The following IPO13 variants were observed in gnomAD, a reference collection of about 807,000 sequenced individuals.
The protein encoded by IPO13 is importin-13.
A neutral mutation model predicts 115.5 loss-of-function variants in IPO13; 28 were observed. The observed-to-expected ratio is 0.24, with a 90% CI of 0.18 to 0.33. The LOEUF is 0.33. Among genes scored for constraint, IPO13 ranks in the 10% least tolerant of loss-of-function variants. IPO13 has a pLI of 1.00. For missense variants in IPO13, 785 were observed against 1,204.6 expected, an observed-to-expected ratio of 0.65 and a Z score of 5.16; for synonymous variants, 414 against 478.9, an observed-to-expected ratio of 0.86 and a Z score of 1.77.
At chr1:43,961,299 T>A (rs1258585362) in intron 14 of IPO13, 37 bp downstream of exon 14, 1 of 1,517,280 alleles carries the variant, frequency 6.6e-7, no homozygotes, top group Non-Finnish European at 9.2e-7. Context: ...CTGCTGCCAC[T>A]GCCACTGCCT....
rs1178136991 is a variant in IPO13, at chr1:43,947,044, C to G, written c.-557C>G. 5.0e-6 allele frequency: 2 copies of G among 398,614 alleles called. No homozygotes were observed. Among genetic ancestry groups the G allele is most frequent in the African/African-American group, 2.1e-5 (1 of 48,662 alleles). The allele number at this position is 398,614 out of a possible 1,614,324, so 24.7% of individuals were successfully genotyped here. A position where few individuals can be genotyped will look rare whatever the true frequency, so the allele number is the denominator to read the frequency against. ...CGCGGGCCAGGCCGAACGGAAGGGA[C>G]CTGCCACAGCCCCTCAACTCCACGG... On this transcript the variant is annotated 5_prime_UTR_variant, in exon 1 of 20. Coordinates refer to ENST00000372343, the MANE Select transcript of IPO13 (RefSeq NM_014652.4).
rs760667662 is a variant in IPO13, at chr1:43,966,483, G to A, written c.2398-92G>A. 1 of 1,314,314 alleles carries A rather than the reference G, an allele frequency of 7.6e-7. No homozygotes were observed. Among genetic ancestry groups the A allele is most frequent in the Non-Finnish European group, 1.1e-6 (1 of 915,386 alleles). The allele number at this position is 1,314,314 out of a possible 1,614,324, so 81.4% of individuals were successfully genotyped here. On this transcript the variant is annotated intron_variant, in intron 15 of 19. Transcript: ENST00000372343. The surrounding 1 kb of genome is among the most constrained non-coding windows in gnomAD (Gnocchi z 4.1). ...TGGTTTTGGCAGCCTCTACCTGTGAGGTGTGAAGTTGGGGGCTGGGGTGGC... is the reference window on the plus strand; with the variant it reads ...TGGTTTTGGCAGCCTCTACCTGTGAAGTGTGAAGTTGGGGGCTGGGGTGGC...
Position 43,949,751 on chromosome 1 carries a change from C to T in IPO13, c.419C>T (p.Pro140Leu), listed in dbSNP as rs1303585724. 6.2e-7 allele frequency: 1 copy of T among 1,614,184 alleles called. No homozygotes were observed. The highest frequency in any genetic ancestry group is 8.5e-7 in the Non-Finnish European group (1 of 1,180,002). The part of the protein sequence containing the change: ...LALSMMPDAW[P>L]CAVADMVRLF... ...CTCAGCATGATGCCTGACGCTTGGC[C>T]ATGTGCTGTGGCAGATATGGTACGA... Residue 140 changes from proline to leucine, a missense_variant, in exon 2 of 20, where the codon CCA (proline) becomes CTA (leucine). Physicochemically the swap from Pro to Leu is moderately conservative, Grantham distance 98. This residue lies in a region of IPO13 where 325 missense variants were observed against 449.8 expected (regional missense o/e 0.72). Transcript: ENST00000372343.
In IPO13 at chr1:43,966,700, G is replaced by T. The variant is rs2085327948; in HGVS notation, c.2465-24G>T. The T allele has an allele frequency of 6.2e-7, 1 of 1,614,194 alleles. No homozygotes were observed. The highest frequency in any genetic ancestry group is 1.6e-4 in the Middle Eastern group (1 of 6,062). ...GCTCCCCTAGAAGGATCGTTAAACT[G>T]ATCTGCCTCTGCCTTTCCCACAGCT... is the stretch of plus-strand genomic sequence containing the variant. On this transcript the variant is annotated intron_variant, in intron 16 of 19. Transcript: ENST00000372343. This position sits in a 1 kb window ranked among gnomAD's most constrained non-coding sequence, Gnocchi z 4.1.
In IPO13 at chr1:43,957,321, T is replaced by C; in HGVS notation, c.1392+6T>C. 5 of 1,613,622 alleles carry C rather than the reference T, an allele frequency of 3.1e-6. No homozygotes were observed. The highest frequency in any genetic ancestry group is 3.4e-6 in the Non-Finnish European group (4 of 1,179,690). ...AGGAGCCCTACTCCTGGCAGGTACC[T>C]CCCAAGCCTGATTCCCTCAGCCTTC... On this transcript the variant is annotated splice_donor_region_variant and intron_variant, in intron 6 of 19. Transcript: ENST00000372343.
Position 43,956,591 on chromosome 1 carries a change from A to G in IPO13, c.994A>G (p.Ser332Gly), listed in dbSNP as rs755958166. ...GCTGGACCAAGTAGAGCACTGGCAG[A>G]GTTTCCTGGCACTCGTCAACATGAT... The part of the protein sequence containing the change: ...ALLDQVEHWQ[S>G]FLALVNMIMF... The change falls in exon 4 of 20, where the codon AGT becomes GGT. Residue 332 changes from serine to glycine, a missense_variant. By Grantham distance (56) the Ser-to-Gly change is moderately conservative. This residue lies in a region of IPO13 where 325 missense variants were observed against 449.8 expected (regional missense o/e 0.72). Transcript: ENST00000372343. This position sits in a 1 kb window ranked among gnomAD's most constrained non-coding sequence, Gnocchi z 4.7. 6.8e-6 allele frequency: 11 copies of G among 1,614,074 alleles called. No homozygotes were observed. Among genetic ancestry groups the G allele is most frequent in the Non-Finnish European group, 9.3e-6 (11 of 1,180,044 alleles).
At chr1:43,960,408 C>A (rs939332483) in intron 12 of IPO13, 79 bp downstream of exon 12, 1 of 1,269,846 alleles carries the variant, frequency 7.9e-7, no homozygotes, top group Non-Finnish European at 1.2e-6. Flanking sequence ...TGCCACACTT[C>A]AGCTTACAAT....
chr1:43,960,227 T>A, intron 11 of IPO13, 22 bp from the exon 12 acceptor site: 1 of 1,611,910 alleles, frequency 6.2e-7, no homozygotes. Context: ...CAGAAGCGCC[T>A]CACTTCTTCC....
At position 43,966,435 on chromosome 1, in the gene IPO13, T is replaced by C; in HGVS notation, c.2398-140T>C. Reference sequence around the variant, plus strand: ...CTACTGAACTCTGAGGTGGTCCGGGTCCCCCAGAGATGGCTGGGTAGCTGG... The same window carrying C: ...CTACTGAACTCTGAGGTGGTCCGGGCCCCCCAGAGATGGCTGGGTAGCTGG... On this transcript the variant is annotated intron_variant, in intron 15 of 19. Coordinates refer to ENST00000372343, the MANE Select transcript of IPO13 (RefSeq NM_014652.4). The surrounding 1 kb of genome is among the most constrained non-coding windows in gnomAD (Gnocchi z 4.1). The C allele has an allele frequency of 1.3e-6, 1 of 788,212 alleles. No homozygotes were observed. The highest frequency in any genetic ancestry group is 2.2e-6 in the Non-Finnish European group (1 of 462,600). 48.8% of individuals were successfully genotyped at this position (788,212 alleles called of 1,614,324 possible). A position where few individuals can be genotyped will look rare whatever the true frequency, so the allele number is the denominator to read the frequency against.
Position 43,966,589 on chromosome 1 carries a change from G to A in IPO13, c.2412G>A (p.Lys804=). The A allele has an allele frequency of 6.2e-7, 1 of 1,614,154 alleles. No homozygotes were observed. The highest frequency in any genetic ancestry group is 8.5e-7 in the Non-Finnish European group (1 of 1,180,012). Residue 804 remains lysine, a synonymous_variant, in exon 16 of 20, where the codon AAG becomes AAA. Transcript: ENST00000372343. The surrounding 1 kb of genome is among the most constrained non-coding windows in gnomAD (Gnocchi z 4.1). The part of the protein sequence containing the change: ...MQLLAQALKR[K]PDLFLCERLD... ...ACCTCCTGCAGGCTCTGAAGCGGAA[G>A]CCAGATTTGTTCCTGTGTGAACGAT...
chr1:43,954,175 A>G (rs994772414), intron 2 of IPO13, among the ~76,000 whole-genome samples: 10 of 152,200 alleles, frequency 6.6e-5, no homozygotes, highest in African/African-American at 2.4e-4. Flanking sequence ...CTTGTGGGCC[A>G]TAGCCTTGGC....
At chr1:43,950,572 G>A (rs1347598498) in intron 2 of IPO13, among the ~76,000 whole-genome samples, 2 of 152,270 alleles carry the variant, frequency 1.3e-5, no homozygotes, top group Non-Finnish European at 2.9e-5. Flanking sequence ...TTTTGAAAAT[G>A]GGGATCTAAT....
chr1:43,964,147 C>G, intron 14 of IPO13, 122 bp from the exon 15 acceptor site: 1 of 674,820 alleles, frequency 1.5e-6, no homozygotes, highest in Non-Finnish European at 2.6e-6. Context: ...CTTTATCTTG[C>G]TTCCTGCTGC....
rs74073336 is a variant in IPO13 at position 43,959,639 on chromosome 1, A to G, written c.2029-610A>G. Among the ~76,000 whole-genome samples, 1,227 of 152,308 alleles carry G rather than the reference A, an allele frequency of 8.1e-3. 18 individuals carry two copies. The highest frequency in any genetic ancestry group is 0.028 in the African/African-American group (1,163 of 41,540). The stretch of plus-strand genomic sequence containing the variant: ...TCCCAGATTTCTCCAGGAGAAAAGG[A>G]AGCCATAGGCATCCTGGCCTCTCTG... On this transcript the variant is annotated intron_variant, in intron 11 of 19. Coordinates refer to ENST00000372343, the MANE Select transcript of IPO13 (RefSeq NM_014652.4).
At chr1:43,953,474 C>G (rs1247378778) in intron 2 of IPO13, 1 of 152,274 alleles carries the variant, frequency 6.6e-6, no homozygotes, top group Non-Finnish European at 1.5e-5. Context: ...GCAAGAACTT[C>G]TTCCCATGGG....
chr1:43,964,422 T>C (rs2085308786), intron 15 of IPO13, 101 bp downstream of exon 15: 2 of 991,226 alleles, frequency 2.0e-6, no homozygotes, highest in Admixed American at 2.2e-5. Context: ...TGTTGACAAA[T>C]TTTTTTTCTG....
In IPO13 at chr1:43,952,762, C is replaced by G. The variant is rs1029827947; in HGVS notation, c.821+2609C>G. ...GATTTTAAAAAATAAAAGATTGTTT[C>G]GGTATGAGGATTAAATAAGAGAATG... On this transcript the variant is annotated intron_variant, in intron 2 of 19. Transcript: ENST00000372343. This position sits in a 1 kb window ranked among gnomAD's most constrained non-coding sequence, Gnocchi z 4.7. 1.3e-5 allele frequency among the ~76,000 whole-genome samples: 2 copies of G among 152,092 alleles called. No individual in the cohort carries two copies. The highest frequency in any genetic ancestry group is 4.8e-5 in the African/African-American group (2 of 41,398).
rs1172711600 is a variant in IPO13, at chr1:43,956,643, A to T, written c.1046A>T (p.His349Leu). 2.5e-6 allele frequency: 4 copies of T among 1,614,078 alleles called. No homozygotes were observed. The highest frequency in any genetic ancestry group is 3.4e-6 in the Non-Finnish European group (4 of 1,180,034). ...ATGTTCTGCACAGGCATCCCTGGCC[A>T]CTATCCTGTCAATGAGACCACCAGC... ...MIMFCTGIPG[H>L]YPVNETTSSL... Residue 349 changes from histidine to leucine, a missense_variant, in exon 4 of 20, where the codon CAC becomes CTC. By Grantham distance (99) the His-to-Leu change is moderately conservative. Coordinates refer to ENST00000372343, the MANE Select transcript of IPO13 (RefSeq NM_014652.4). This position sits in a 1 kb window ranked among gnomAD's most constrained non-coding sequence, Gnocchi z 4.7.
chr1:43,960,109 G>A, intron 11 of IPO13, 140 bp from the exon 12 acceptor site: 2 of 716,348 alleles, frequency 2.8e-6, no homozygotes, highest in South Asian at 1.7e-5. Context: ...CTTCCCCCAG[G>A]GGTCCCATGC....
Sources: gnomAD v4.1 joint callset for allele counts (sites outside exome capture counted in the v4.1 genomes callset) on GRCh38, gnomAD v4.1.1 for gene constraint, gnomAD v4.1.1 regional missense constraint, Gnocchi (gnomAD v3.1) non-coding constraint, MANE v1.5 for transcripts, NCBI Gene and HGNC (gene_info 2026-07-23, HGNC 2026-07-21) for gene names.